TBC1D17: variants seen among roughly 807,000 people sequenced by gnomAD.
TBC1D17 encodes the protein TBC1 domain family member 17.
TBC1D17 carries 69 observed loss-of-function variants against 78.8 expected under a neutral mutation model. The ratio of observed to expected loss-of-function variants is 0.88; its 90% CI spans 0.72 to 1.07. The LOEUF (loss-of-function observed/expected upper bound fraction) is 1.07, where lower values mean the gene tolerates loss of function less well. Ranked by LOEUF, TBC1D17 falls within the 50% of genes least tolerant of loss-of-function variation. TBC1D17 has a pLI of 0.00. For synonymous variants in TBC1D17, 456 were observed against 358.3 expected (o/e 1.27, Z -3.08); for missense variants, 957 against 861.0 (o/e 1.11, Z -1.39).
chr19:49,886,376 C>CG (rs1238415672), intron 13 of TBC1D17, among the ~76,000 whole-genome samples: 1 of 152,112 alleles, frequency 6.6e-6, no homozygotes, highest in Non-Finnish European at 1.5e-5. Context: ...TTAGGACCCC[C>CG]GGGGGAGGGA....
chr19:49,888,284 C>A lies in TBC1D17; in HGVS notation c.1713C>A (p.Ala571=). The A allele has an allele frequency of 2.5e-6, 4 of 1,592,198 alleles. No individual in the cohort carries two copies. The highest frequency in any genetic ancestry group is 3.4e-6 in the Non-Finnish European group (4 of 1,170,200). ...GCGTGGAGGACGTGCTGACCCGCGC[C>A]GAGGCCCTGCACCGCCAGCTAACCG... ...KLSVEDVLTR[A]EALHRQLTAC... Residue 571 remains alanine (A), a synonymous_variant, in exon 16 of 17, where the codon GCC becomes GCA. Transcript: ENST00000221543.
At chr19:49,880,434 G>C (rs3745487) in intron 4 of TBC1D17, 32 bp downstream of exon 4, 1 of 1,610,258 alleles carries the variant, frequency 6.2e-7, no homozygotes, top group South Asian at 1.1e-5. Flanking sequence ...TGAGAAGCAC[G>C]TGTGGGCCAG....
chr19:49,888,690 A>G lies in TBC1D17; in HGVS notation c.*66A>G. 7.2e-7 allele frequency: 1 copy of G among 1,392,960 alleles called. No homozygotes were observed. The allele number at this position is 1,392,960 out of a possible 1,614,324, so 86.3% of individuals were successfully genotyped here. A position where few individuals can be genotyped will look rare whatever the true frequency, so the allele number is the denominator to read the frequency against. On this transcript the variant is annotated 3_prime_UTR_variant, in exon 17 of 17. Transcript: ENST00000221543. ...GAGCCAGGCACACCTGCGAGGGGGC[A>G]GGTGTGCTCCGCCGCCCTGCTGATA...
Position 49,882,120 on chromosome 19 carries a change from C to T in TBC1D17, c.607C>T (p.Leu203Phe). 6.2e-7 allele frequency: 1 copy of T among 1,614,178 alleles called. No homozygotes were observed. The highest frequency in any genetic ancestry group is 1.1e-5 in the South Asian group (1 of 91,090). The change falls in exon 6 of 17, where the codon CTC (leucine) becomes TTC (phenylalanine). Residue 203 changes from leucine (L) to phenylalanine (F), a missense_variant. Physicochemically the swap from Leu to Phe is conservative, Grantham distance 22 (BLOSUM62 0). Coordinates refer to ENST00000221543, the MANE Select transcript of TBC1D17 (RefSeq NM_024682.3). ...ALSNSFHHLQ[L>F]FDQDSSNVVS... Reference sequence around the variant, plus strand: ...CTCCAACTCCTTCCACCACCTGCAGCTCTTTGACCAGGACAGCTCCAATGT... The same window carrying T: ...CTCCAACTCCTTCCACCACCTGCAGTTCTTTGACCAGGACAGCTCCAATGT...
Position 49,884,365 on chromosome 19 carries a change from C to T in TBC1D17, c.1239C>T (p.Asp413=), listed in dbSNP as rs1268500039. The change falls in exon 11 of 17, where the codon GAC becomes GAT. Residue 413 remains aspartate, a synonymous_variant. Transcript: ENST00000221543. ...TCACCTACTGCATGTATCACTTCGA[C>T]CTCGGTGGGTGCCAGGCCTGGGGAC... ...ILLTYCMYHF[D]LGYVQGMSDL... is the part of the protein sequence containing the mutation. 2 of 1,613,986 alleles carry T rather than the reference C, an allele frequency of 1.2e-6. No homozygotes were observed. The highest frequency in any genetic ancestry group is 2.2e-5 in the East Asian group (1 of 44,896).
rs1030510963 is a variant in TBC1D17 at position 49,881,911 on chromosome 19, C to T, written c.528-130C>T. On this transcript the variant is annotated intron_variant, in intron 5 of 16. Transcript: ENST00000221543. The stretch of plus-strand genomic sequence containing the variant: ...GCTGTGGGCCTCCTTTAACAGCATT[C>T]CCTGAAATGAGGGGTTGCCCAGGGG... 6 of 805,050 alleles carry T rather than the reference C, an allele frequency of 7.5e-6. No homozygotes were observed. The African/African-American group carries it at 1.0e-4, about 14-fold the overall frequency. The allele number at this position is 805,050 out of a possible 1,614,324, so 49.9% of individuals were successfully genotyped here. A position where few individuals can be genotyped will look rare whatever the true frequency, so the allele number is the denominator to read the frequency against.
Position 49,887,750 on chromosome 19 carries a change from G to A in TBC1D17, c.1575G>A (p.Leu525=), listed in dbSNP as rs2075071425. The A allele has an allele frequency of 6.2e-7, 1 of 1,613,682 alleles. No individual in the cohort carries two copies. The highest frequency in any genetic ancestry group is 1.1e-5 in the South Asian group (1 of 90,986). Reference sequence around the variant, plus strand: ...GGACAGGGCTCCCTGGCCCCAATCTGCACCTGCTGGTGGCCTGCGCCATCC... The same window carrying A: ...GGACAGGGCTCCCTGGCCCCAATCTACACCTGCTGGTGGCCTGCGCCATCC... The part of the protein sequence containing the change: ...VLWTGLPGPN[L]HLLVACAILD... Residue 525 remains leucine (L), a synonymous_variant, in exon 15 of 17, where the codon CTG becomes CTA. Transcript: ENST00000221543.
Position 49,884,563 on chromosome 19 carries a change from A to G in TBC1D17, c.1344+4A>G. On this transcript the variant is annotated splice_donor_region_variant and intron_variant, in intron 12 of 16. Coordinates refer to ENST00000221543, the MANE Select transcript of TBC1D17 (RefSeq NM_024682.3). ...CTGTGGCTTCATGGAGCTCGTGGTG[A>G]GGCTTGGGTCAGGGGTGGGACACAG... is the stretch of plus-strand genomic sequence containing the variant. The G allele has an allele frequency of 2.5e-6, 4 of 1,614,010 alleles. No homozygotes were observed. The highest frequency in any genetic ancestry group is 3.4e-6 in the Non-Finnish European group (4 of 1,179,966).
Position 49,881,421 on chromosome 19 carries a change from G to T in TBC1D17, c.473G>T (p.Arg158Leu), listed in dbSNP as rs912616149. 1.2e-6 allele frequency: 2 copies of T among 1,612,478 alleles called. No homozygotes were observed. Among genetic ancestry groups the T allele is most frequent in the Admixed American group, 3.3e-5 (2 of 59,986 alleles). ...TCCCTGCCCGCACTGCACTTCCACC[G>T]CGGGGGCACCCGCGCCCTGCTCCGC... ...GGSLPALHFH[R>L]GGTRALLRVL... The change falls in exon 5 of 17, where the codon CGC (arginine) becomes CTC (leucine). Residue 158 changes from arginine (R) to leucine (L), a missense_variant. Physicochemically the swap from Arg to Leu is moderately radical, Grantham distance 102 (BLOSUM62 -2). Coordinates refer to ENST00000221543, the MANE Select transcript of TBC1D17 (RefSeq NM_024682.3).
At chr19:49,888,195 A>G in intron 15 of TBC1D17, 36 bp from the exon 16 acceptor site, 1 of 1,555,800 alleles carries the variant, frequency 6.4e-7, no homozygotes, top group Non-Finnish European at 8.7e-7. Context: ...GAGGTGGTTG[A>G]GTGCCGACTG....
At position 49,887,545 on chromosome 19, in the gene TBC1D17, C is replaced by G. The variant is rs752199101; in HGVS notation, c.1514C>G (p.Pro505Arg). The G allele has an allele frequency of 6.2e-7, 1 of 1,614,204 alleles. No individual in the cohort carries two copies. Among genetic ancestry groups the G allele is most frequent in the Non-Finnish European group, 8.5e-7 (1 of 1,180,030 alleles). The change falls in exon 14 of 17, where the codon CCC becomes CGC. Residue 505 changes from proline (P) to arginine (R), a missense_variant. Pro to Arg is a moderately radical substitution (Grantham distance 103). Transcript: ENST00000221543. Reference protein sequence around the residue: ...WLLIWFKREFPFPDVLRLWEV... With the variant: ...WLLIWFKREFRFPDVLRLWEV... Reference sequence around the variant, plus strand: ...CTCATCTGGTTCAAGAGGGAATTCCCCTTCCCGGATGTCCTTCGGCTGTGG... The same window carrying G: ...CTCATCTGGTTCAAGAGGGAATTCCGCTTCCCGGATGTCCTTCGGCTGTGG...
In TBC1D17 at chr19:49,878,518, C is replaced by T. The variant is rs756672542; in HGVS notation, c.141C>T (p.His47=). Residue 47 remains histidine, a synonymous_variant, in exon 3 of 17, where the codon CAC becomes CAT. Transcript: ENST00000221543. ...CCTAGGACAATGACGTCCTCCTGCA[C>T]TGGGCTCCTGTAGAGGAGGCTGGAG... is the stretch of plus-strand genomic sequence containing the variant. The part of the protein sequence containing the change: ...VVEKDNDVLL[H]WAPVEEAGDS... 1.2e-6 allele frequency: 2 copies of T among 1,614,190 alleles called. No individual in the cohort carries two copies. Among genetic ancestry groups the T allele is most frequent in the Admixed American group, 1.7e-5 (1 of 60,022 alleles).
intron 10 of TBC1D17, 85 bp downstream of exon 10, chr19:49,883,830 G>C (rs2075036631): frequency 8.2e-7 from 1 of 1,212,510 alleles, no homozygotes; most frequent in East Asian, 2.4e-5. Context: ...GGGAGATAGA[G>C]GGAGCCCCCT....
Position 49,882,093 on chromosome 19 carries a change from C to T in TBC1D17, c.580C>T (p.Leu194Phe), listed in dbSNP as rs543612370. 3.8e-5 allele frequency: 62 copies of T among 1,614,176 alleles called. No individual in the cohort carries two copies. The highest frequency in any genetic ancestry group is 1.0e-4 in the Admixed American group (6 of 60,032). ...TGTCTTCCCCCACGACTCCTCTGCT[C>T]TCTCCAACTCCTTCCACCACCTGCA... Reference protein sequence around the residue: ...YLVFPHDSSALSNSFHHLQLF... With the variant: ...YLVFPHDSSAFSNSFHHLQLF... The change falls in exon 6 of 17, where the codon CTC becomes TTC. Residue 194 changes from leucine to phenylalanine, a missense_variant. Transcript: ENST00000221543.
chr19:49,879,016 A>G (rs1192833119), intron 3 of TBC1D17: 2 of 172,838 alleles, frequency 1.2e-5, no homozygotes, highest in African/African-American at 4.8e-5. Context: ...TCTGAGACCC[A>G]GAGATAAGTC....
At position 49,882,961 on chromosome 19, in the gene TBC1D17, C is replaced by T. The variant is rs1226374912; in HGVS notation, c.928-12C>T. On this transcript the variant is annotated splice_polypyrimidine_tract_variant and intron_variant, in intron 8 of 16. Coordinates refer to ENST00000221543, the MANE Select transcript of TBC1D17 (RefSeq NM_024682.3). ...AGGCCCCACTGAGCTGCCTGCCCTC[C>T]TGCACCCCCAGGGTCTGAGCCCCAG... The T allele has an allele frequency of 1.2e-6, 2 of 1,604,098 alleles. No homozygotes were observed. Among genetic ancestry groups the T allele is most frequent in the South Asian group, 1.1e-5 (1 of 90,520 alleles).
chr19:49,883,155 C>A, intron 9 of TBC1D17, 79 bp downstream of exon 9: 1 of 1,345,138 alleles, frequency 7.4e-7, no homozygotes. Flanking sequence ...GTTCTGTGGA[C>A]GCTGGTTGTG....
In TBC1D17 at chr19:49,881,439, T is replaced by C. The variant is rs2075012165; in HGVS notation, c.491T>C (p.Leu164Pro). The change falls in exon 5 of 17, where the codon CTG (leucine) becomes CCG (proline). Residue 164 changes from leucine to proline, a missense_variant. Coordinates refer to ENST00000221543, the MANE Select transcript of TBC1D17 (RefSeq NM_024682.3). ...TTCCACCGCGGGGGCACCCGCGCCC[T>C]GCTCCGCGTCCTCAGCCGCTACCTG... is the stretch of plus-strand genomic sequence containing the variant. Reference protein sequence around the residue: ...LHFHRGGTRALLRVLSRYLLL... With the variant: ...LHFHRGGTRAPLRVLSRYLLL... 16 of 1,611,378 alleles carry C rather than the reference T, an allele frequency of 9.9e-6. No homozygotes were observed. The highest frequency in any genetic ancestry group is 1.3e-5 in the Non-Finnish European group (15 of 1,179,882).
At position 49,887,446 on chromosome 19, in the gene TBC1D17, AGGCT is replaced by A. The variant is rs750263092; in HGVS notation, c.1445-28_1445-25del. ...AAACTCTCAGTCCCAGCGCTGGGCA[AGGCT>A]GAGTGGGCTCCATGTCATCCCCCAG... On this transcript the variant is annotated intron_variant, in intron 13 of 16. Transcript: ENST00000221543. The A allele has an allele frequency of 1.9e-6, 3 of 1,606,362 alleles. No individual in the cohort carries two copies. In the East Asian group the frequency reaches 6.7e-5, roughly 36 times the overall value.
Sources: allele counts gnomAD v4.1 joint callset (sites outside exome capture counted in the v4.1 genomes callset), GRCh38; gene constraint gnomAD v4.1.1; transcripts MANE v1.5; gene names NCBI Gene and HGNC (gene_info 2026-07-23, HGNC 2026-07-21).